Variants in PCDHGA2 observed in about 807,000 individuals in gnomAD.
The protein encoded by PCDHGA2 is protocadherin gamma-A2.
A neutral mutation model predicts 59.2 loss-of-function variants in PCDHGA2; 40 were observed. The observed-to-expected ratio is 0.68, with a 90% CI of 0.52 to 0.88. The LOEUF (loss-of-function observed/expected upper bound fraction) is 0.88. Ranked by LOEUF, PCDHGA2 falls within the 40% of genes least tolerant of loss-of-function variation. The pLI is 0.00. For synonymous variants in PCDHGA2, 560 were observed against 526.0 expected (o/e 1.06, Z -0.89); for missense variants, 1,226 against 1,204.0 (o/e 1.02, Z -0.27).
chr5:141,431,527 C>T lies in PCDHGA2; in HGVS notation c.2425-63280C>T. The T allele has an allele frequency of 1.2e-6, 2 of 1,614,086 alleles. No homozygotes were observed. The highest frequency in any genetic ancestry group is 2.2e-5 in the East Asian group (1 of 44,888). ...GCGCGAGCGTTCCGGAGAATCTGGC[C>T]TTGGGCACGCAGCTGCTTGTAGTCA... On this transcript the variant is annotated intron_variant, in intron 1 of 3. Coordinates refer to ENST00000394576, the MANE Select transcript of PCDHGA2 (RefSeq NM_018915.4). This position sits in a 1 kb window ranked among gnomAD's most constrained non-coding sequence, Gnocchi z 4.8.
chr5:141,366,780 C>G (rs1764797585), intron 1 of PCDHGA2: 1 of 1,584,650 alleles, frequency 6.3e-7, no homozygotes, highest in African/African-American at 1.4e-5. Flanking sequence ...TAAGGATGAC[C>G]AGAACATTTT....
intron 1 of PCDHGA2, chr5:141,419,926 G>T: frequency 6.2e-7 from 1 of 1,614,096 alleles, no homozygotes; most frequent in South Asian, 1.1e-5. Flanking sequence ...CTGAGATGCA[G>T]TTTTACCTGG....
intron 1 of PCDHGA2, among the ~76,000 whole-genome samples, chr5:141,358,331 G>C (rs1760885961): frequency 6.6e-6 from 1 of 152,204 alleles, no homozygotes; most frequent in East Asian, 1.9e-4. Flanking sequence ...TGAAGCTATT[G>C]TTGGATCTGG....
At chr5:141,422,141 G>A (rs1441509284) in intron 1 of PCDHGA2, 9 of 1,583,068 alleles carry the variant, frequency 5.7e-6, no homozygotes, top group Middle Eastern at 1.7e-4. Context: ...GTTCAAGTAC[G>A]GGGGTCTCTG....
intron 1 of PCDHGA2, chr5:141,389,364 C>T: frequency 1.2e-6 from 2 of 1,613,854 alleles, no homozygotes; most frequent in Non-Finnish European, 1.7e-6. Context: ...GGCCAGTGAC[C>T]TGGAGCAGCG....
intron 1 of PCDHGA2, chr5:141,389,977 C>T: frequency 6.2e-7 from 1 of 1,614,054 alleles, no homozygotes; most frequent in South Asian, 1.1e-5. Flanking sequence ...GCCTTGATCT[C>T]AGTGCTCTTC....
intron 1 of PCDHGA2, chr5:141,371,611 C>A (rs561217101): frequency 8.1e-6 from 13 of 1,613,878 alleles, no homozygotes; most frequent in Non-Finnish European, 1.1e-5. Flanking sequence ...AGGTTGGTGA[C>A]AGATGGAGCC....
chr5:141,459,406 A>C (rs2098967498), intron 1 of PCDHGA2, among the ~76,000 whole-genome samples: 1 of 152,218 alleles, frequency 6.6e-6, no homozygotes, highest in Admixed American at 6.5e-5. Flanking sequence ...GCAGTATTGC[A>C]TTGTGTGGAT....
At chr5:141,393,374 T>A (rs11575958) in intron 1 of PCDHGA2, 1 of 1,613,626 alleles carries the variant, frequency 6.2e-7, no homozygotes, top group Admixed American at 1.7e-5. Context: ...CTGGAGACAA[T>A]GGAGCCATAA....
intron 1 of PCDHGA2, chr5:141,478,917 T>A: frequency 1.3e-6 from 1 of 772,666 alleles, no homozygotes; most frequent in Middle Eastern, 3.9e-4. Flanking sequence ...TGGATACCTC[T>A]AACCAGTGGC....
chr5:141,384,594 G>A (rs769496358), intron 1 of PCDHGA2: 6 of 1,614,162 alleles, frequency 3.7e-6, no homozygotes, highest in East Asian at 2.2e-5. Context: ...TCCTGTACCC[G>A]GCCCTCCCCA....
At position 141,490,646 on chromosome 5, in the gene PCDHGA2, C is replaced by G. The variant is rs202183643; in HGVS notation, c.2425-4161C>G. The G allele has an allele frequency of 8.7e-6, 14 of 1,614,068 alleles. No homozygotes were observed. In the African/African-American group the frequency reaches 1.7e-4, roughly 20 times the overall value. ...GCTTACATCCTAGAAAACCGGCCTC[C>G]GGGCTCCCTTCTTTGCACTGTGGCT... On this transcript the variant is annotated intron_variant, in intron 1 of 3. Coordinates refer to ENST00000394576, the MANE Select transcript of PCDHGA2 (RefSeq NM_018915.4). This position sits in a 1 kb window ranked among gnomAD's most constrained non-coding sequence, Gnocchi z 5.4.
chr5:141,423,230 G>C (rs1223173152), intron 1 of PCDHGA2: 1 of 1,613,872 alleles, frequency 6.2e-7, no homozygotes, highest in Admixed American at 1.7e-5. Context: ...GTGGCCGACA[G>C]CATCCCCGAA....
intron 1 of PCDHGA2, chr5:141,395,121 T>G (rs773964445): frequency 1.2e-6 from 2 of 1,614,192 alleles, no homozygotes; most frequent in Admixed American, 3.3e-5. Context: ...TCACCTGATC[T>G]TTCCCCAGCC....
At chr5:141,345,421 A>G (rs1264882424) in intron 1 of PCDHGA2, 2 of 1,614,044 alleles carry the variant, frequency 1.2e-6, no homozygotes, top group African/African-American at 2.7e-5. Flanking sequence ...TACATTCCAG[A>G]AAACAACCCC....
rs1403789987 is a variant in PCDHGA2 at position 141,511,845 on chromosome 5, T to C, written c.*672T>C. The C allele has an allele frequency of 6.4e-6, 1 of 156,740 alleles. No individual in the cohort carries two copies. The highest frequency in any genetic ancestry group is 1.4e-5 in the Non-Finnish European group (1 of 70,694). 9.7% of individuals were successfully genotyped at this position (156,740 alleles called of 1,614,324 possible). A position where few individuals can be genotyped will look rare whatever the true frequency, so the allele number is the denominator to read the frequency against. On this transcript the variant is annotated 3_prime_UTR_variant, in exon 4 of 4. Transcript: ENST00000394576. ...AACGCCCTGGGGACCAGTCTTCTGT[T>C]TTGTTTTTCATTGTTTGACGTTTCC...
intron 1 of PCDHGA2, chr5:141,441,868 C>A: frequency 3.0e-6 from 1 of 338,212 alleles, no homozygotes; most frequent in Non-Finnish European, 5.8e-6. Flanking sequence ...CGCCGCGGAG[C>A]CTGGCTACCT....
At chr5:141,458,434 G>T (rs535464730) in intron 1 of PCDHGA2, among the ~76,000 whole-genome samples, 1 of 152,198 alleles carries the variant, frequency 6.6e-6, no homozygotes, top group African/African-American at 2.4e-5. Context: ...GAAAGAGGAG[G>T]TCCCCCACAT....
chr5:141,494,756 A>G (rs780402065), intron 1 of PCDHGA2, 51 bp from the exon 2 acceptor site: 2 of 1,613,460 alleles, frequency 1.2e-6, no homozygotes, highest in South Asian at 1.1e-5. Context: ...CTCGGGTGAC[A>G]TTCTAACTTC....
Sources: gnomAD v4.1 joint callset for allele counts (sites outside exome capture counted in the v4.1 genomes callset) on GRCh38, gnomAD v4.1.1 for gene constraint, Gnocchi (gnomAD v3.1) non-coding constraint, MANE v1.5 for transcripts, NCBI Gene and HGNC (gene_info 2026-07-23, HGNC 2026-07-21) for gene names.